ANO4: variants seen among roughly 807,000 people sequenced by gnomAD.
ANO4 encodes anoctamin 4.
In ANO4, 69 loss-of-function variants were observed where a neutral mutation model predicts 141.9. That is an observed-to-expected ratio of 0.49 (90% CI 0.40 to 0.59). The LOEUF (loss-of-function observed/expected upper bound fraction) is 0.59, where lower values mean the gene tolerates loss of function less well. ANO4 is among the 20% of genes least tolerant of loss of function. The pLI, the probability that ANO4 is intolerant of heterozygous loss-of-function variation, is 0.00. For synonymous variants in ANO4, 350 were observed against 394.3 expected (o/e 0.89, Z 1.33); for missense variants, 894 against 1,162.2 (o/e 0.77, Z 3.36).
intron 10 of ANO4, 123 bp downstream of exon 10, chr12:101,037,273 G>A (rs2047237317): frequency 6.4e-6 from 6 of 942,764 alleles, no homozygotes; most frequent in Non-Finnish European, 9.9e-6. Flanking sequence ...TTGTTCAATG[G>A]GTAATTAGGG....
intron 1 of ANO4, among the ~76,000 whole-genome samples, chr12:100,796,371 A>G (rs1202948673): frequency 6.6e-6 from 1 of 151,826 alleles, no homozygotes; most frequent in Non-Finnish European, 1.5e-5. Context: ...CTGCTTGCTC[A>G]TTTTCACTAC....
chr12:100,790,320 T>G (rs149991998), upstream of ANO4, among the ~76,000 whole-genome samples: 67 of 152,274 alleles, frequency 4.4e-4, no homozygotes, highest in African/African-American at 1.5e-3. Context: ...GATGGCATGA[T>G]TATATTTGTT....
At chr12:100,917,529 C>T (rs2041403407) in intron 2 of ANO4, among the ~76,000 whole-genome samples, 2 of 152,182 alleles carry the variant, frequency 1.3e-5, no homozygotes, top group Admixed American at 6.5e-5. Context: ...ACATTTTTTA[C>T]ATTGAAGTCA....
intron 13 of ANO4, among the ~76,000 whole-genome samples, 154 bp downstream of exon 13, chr12:101,043,789 A>G (rs965254912): frequency 6.6e-6 from 1 of 152,158 alleles, no homozygotes; most frequent in African/African-American, 2.4e-5. Context: ...TCTAATTCCC[A>G]TATCTTTGTT....
chr12:100,989,892 GTGGA>G (rs757057834), intron 8 of ANO4, among the ~76,000 whole-genome samples: 3 of 134,190 alleles, frequency 2.2e-5, no homozygotes, highest in Admixed American at 1.5e-4. Context: ...GGATGGATGG[GTGGA>G]TGGATGGATG....
intron 14 of ANO4, among the ~76,000 whole-genome samples, chr12:101,059,019 A>G (rs1020917551): frequency 6.6e-6 from 1 of 152,156 alleles, no homozygotes; most frequent in Admixed American, 6.5e-5. Context: ...AGCTCTTATT[A>G]TATTGAGATA....
intron 21 of ANO4, 115 bp downstream of exon 21, chr12:101,098,060 G>C: frequency 1.2e-6 from 1 of 847,220 alleles, no homozygotes; most frequent in Non-Finnish European, 1.9e-6. Context: ...GCGTGCACCT[G>C]GAACTAAGTG....
chr12:101,001,122 A>G (rs901270424), intron 8 of ANO4, among the ~76,000 whole-genome samples: 2 of 152,326 alleles, frequency 1.3e-5, no homozygotes, highest in East Asian at 1.9e-4. Flanking sequence ...TCAAGAGGCT[A>G]TTTTCCTCAT....
intron 6 of ANO4, among the ~76,000 whole-genome samples, chr12:100,973,663 A>C (rs1677057762): frequency 6.6e-6 from 1 of 152,186 alleles, no homozygotes; most frequent in South Asian, 2.1e-4. Flanking sequence ...ATTTTGCATT[A>C]GCGTGATATA....
intron 1 of ANO4, among the ~76,000 whole-genome samples, chr12:100,796,907 A>G (rs2034362147): frequency 6.6e-6 from 1 of 152,188 alleles, no homozygotes; most frequent in Non-Finnish European, 1.5e-5. Context: ...ATACTCATTA[A>G]GATGGAAAGT....
At chr12:101,029,214 C>T (rs894240572) in intron 9 of ANO4, among the ~76,000 whole-genome samples, 1 of 152,098 alleles carries the variant, frequency 6.6e-6, no homozygotes, top group Non-Finnish European at 1.5e-5. Context: ...CTGGTACTAG[C>T]CACTGCAAAA....
intron 5 of ANO4, among the ~76,000 whole-genome samples, chr12:100,943,768 C>T (rs934077915): frequency 6.6e-6 from 1 of 152,198 alleles, no homozygotes; most frequent in African/African-American, 2.4e-5. Context: ...CTTTCCTATA[C>T]AAACTGAGTG....
At position 100,902,227 on chromosome 12, in the gene ANO4, AC is replaced by A. The variant is rs1415287182; in HGVS notation, c.55+389del. 3.3e-5 allele frequency among the ~76,000 whole-genome samples: 5 copies of A among 152,244 alleles called. No homozygotes were observed. In the South Asian group the frequency reaches 8.3e-4, roughly 25 times the overall value. On this transcript the variant is annotated intron_variant, in intron 2 of 27. Coordinates refer to ENST00000392977, the MANE Select transcript of ANO4 (RefSeq NM_001286615.2). ...CAAGCCAAAAAACACCCACTTTGAA[AC>A]CTAGGTTATCTGTGTTGGCTTGCCC...
chr12:101,091,383 T>C (rs2049767871), intron 17 of ANO4, among the ~76,000 whole-genome samples: 1 of 152,112 alleles, frequency 6.6e-6, no homozygotes, highest in Non-Finnish European at 1.5e-5. Flanking sequence ...CGCACACACA[T>C]TTACACTCCT....
At chr12:100,851,736 A>G (rs1485967199) in intron 1 of ANO4, among the ~76,000 whole-genome samples, 1 of 152,112 alleles carries the variant, frequency 6.6e-6, no homozygotes, top group African/African-American at 2.4e-5. Context: ...AGTAGGGGGT[A>G]TGTGAAGTGT....
At chr12:100,977,737 T>G (rs909326595) in intron 7 of ANO4, among the ~76,000 whole-genome samples, 1 of 152,302 alleles carries the variant, frequency 6.6e-6, no homozygotes, top group South Asian at 2.1e-4. Context: ...CAAACTCTCT[T>G]CTATTCATCT....
At chr12:100,851,800 G>A (rs917090134) in intron 1 of ANO4, among the ~76,000 whole-genome samples, 1 of 152,104 alleles carries the variant, frequency 6.6e-6, no homozygotes, top group East Asian at 1.9e-4. Flanking sequence ...AGACCTGTGG[G>A]GGGAGGGGAG....
chr12:100,931,956 T>G (rs2042100786), intron 3 of ANO4, among the ~76,000 whole-genome samples: 1 of 151,790 alleles, frequency 6.6e-6, no homozygotes, highest in Non-Finnish European at 1.5e-5. Context: ...GATATAAACA[T>G]TTTTTGCATT....
intron 25 of ANO4, among the ~76,000 whole-genome samples, chr12:101,118,875 AC>A (rs2050964021): frequency 5.5e-5 from 2 of 36,062 alleles, no homozygotes; most frequent in Non-Finnish European, 1.1e-4. Flanking sequence ...CCCTCCCCCC[AC>A]CCCACGACAG....
Sources: allele counts gnomAD v4.1 joint callset (sites outside exome capture counted in the v4.1 genomes callset), GRCh38; gene constraint gnomAD v4.1.1; transcripts MANE v1.5; gene names NCBI Gene and HGNC (gene_info 2026-07-23, HGNC 2026-07-21).